SHANK2: variants seen among roughly 807,000 people sequenced by gnomAD.
SHANK2 encodes the protein SH3 and multiple ankyrin repeat domains protein 2.
SHANK2 carries 43 observed loss-of-function variants against 133.7 expected under a neutral mutation model. That is an observed-to-expected ratio of 0.32 (90% confidence interval 0.25 to 0.41). SHANK2 has a LOEUF of 0.41. Ranked by LOEUF, SHANK2 falls within the 10% of genes least tolerant of loss-of-function variation. The pLI, the probability that SHANK2 is intolerant of heterozygous loss-of-function variation, is 1.00. For missense variants in SHANK2, 1,994 were observed against 2,235.8 expected, an observed-to-expected ratio of 0.89 and a Z score of 2.18; for synonymous variants, 1,017 against 952.8, an observed-to-expected ratio of 1.07 and a Z score of -1.24.
rs1361117938 is a variant in SHANK2 at position 71,175,073 on chromosome 11, A to C, written c.-12-27735T>G. ...CCCGGTTACCTTTCTGCAGCTACAA[A>C]ACACACACACGGTCGCATATGTGCA... On this transcript the variant is annotated intron_variant, in intron 2 of 25. Transcript: ENST00000601538. The surrounding 1 kb of genome is among the most constrained non-coding windows in gnomAD (Gnocchi z 4.2). Among the ~76,000 whole-genome samples, 3 of 73,122 alleles carry C rather than the reference A, an allele frequency of 4.1e-5. No homozygotes were observed. Among genetic ancestry groups the C allele is most frequent in the Non-Finnish European group, 1.1e-4 (3 of 28,274 alleles). The allele number at this position is 73,122 out of a possible 152,430, so 48.0% of individuals were successfully genotyped here.
At chr11:71,109,513 CAGCAGGGGAATA>C (rs1343419569) in intron 6 of SHANK2, among the ~76,000 whole-genome samples, 18 of 152,226 alleles carry the variant, frequency 1.2e-4, no homozygotes, top group Non-Finnish European at 1.8e-4. Context: ...ATGTGGTTTC[CAGCAGGGGAATA>C]AGATGCATGG....
intron 2 of SHANK2, among the ~76,000 whole-genome samples, chr11:71,180,287 T>C (rs1555113599): frequency 6.6e-6 from 1 of 152,196 alleles, no homozygotes; most frequent in Non-Finnish European, 1.5e-5. Flanking sequence ...AATATGTGCT[T>C]TTCTTTGAAT....
At chr11:70,950,817 TTTTTG>T (rs1412800874) in intron 10 of SHANK2, among the ~76,000 whole-genome samples, 3 of 151,942 alleles carry the variant, frequency 2.0e-5, no homozygotes, top group Non-Finnish European at 4.4e-5. Flanking sequence ...ATGTATGTGT[TTTTTG>T]TTTTGTTATG....
chr11:71,148,619 T>A (rs193022965), intron 2 of SHANK2, among the ~76,000 whole-genome samples: 1 of 152,158 alleles, frequency 6.6e-6, no homozygotes, highest in Non-Finnish European at 1.5e-5. Context: ...TGGAAAGGCA[T>A]AGAAGATTGT....
At chr11:70,883,029 T>C (rs974888671) in intron 11 of SHANK2, among the ~76,000 whole-genome samples, 3 of 152,044 alleles carry the variant, frequency 2.0e-5, no homozygotes, top group South Asian at 2.1e-4. Context: ...TGGGCAGCCT[T>C]AGCAGGAGTG....
chr11:70,928,857 AG>A (rs1327151079), intron 10 of SHANK2, among the ~76,000 whole-genome samples: 1 of 152,198 alleles, frequency 6.6e-6, no homozygotes, highest in East Asian at 1.9e-4. Flanking sequence ...GGAGAGAGGC[AG>A]GAAGATGCAC....
chr11:71,116,426 T>C (rs1429482120), intron 4 of SHANK2, among the ~76,000 whole-genome samples: 1 of 152,058 alleles, frequency 6.6e-6, no homozygotes, highest in Non-Finnish European at 1.5e-5. Context: ...CAAGCCTGGG[T>C]GAGAGAGGTA....
At chr11:70,738,982 G>A (rs1001177487) in intron 14 of SHANK2, among the ~76,000 whole-genome samples, 5 of 152,216 alleles carry the variant, frequency 3.3e-5, no homozygotes, top group Non-Finnish European at 5.9e-5. Flanking sequence ...TCTGTGGCCC[G>A]ACGGAAGGAC....
At chr11:70,550,921 AG>A in intron 17 of SHANK2, among the ~76,000 whole-genome samples, 1 of 152,304 alleles carries the variant, frequency 6.6e-6, no homozygotes, top group African/African-American at 2.4e-5. Flanking sequence ...GAACTTGTCT[AG>A]CCTCATGAGC....
chr11:70,902,144 C>G (rs1175808646), intron 10 of SHANK2, among the ~76,000 whole-genome samples: 1 of 152,218 alleles, frequency 6.6e-6, no homozygotes, highest in Non-Finnish European at 1.5e-5. Context: ...CACTGGACAG[C>G]AGAGCAGCAG....
At chr11:70,671,204 C>A (rs372235028) in intron 15 of SHANK2, among the ~76,000 whole-genome samples, 1 of 152,190 alleles carries the variant, frequency 6.6e-6, no homozygotes, top group South Asian at 2.1e-4. Context: ...GAGACAGATA[C>A]GGCTTAACTG....
intron 6 of SHANK2, among the ~76,000 whole-genome samples, chr11:71,107,248 G>T (rs1180617047): frequency 6.6e-6 from 1 of 152,202 alleles, no homozygotes. Context: ...AAGGAAGCAC[G>T]CAGGCATTCT....
At chr11:70,747,767 G>A (rs1156234362) in intron 14 of SHANK2, among the ~76,000 whole-genome samples, 2 of 152,200 alleles carry the variant, frequency 1.3e-5, no homozygotes, top group Non-Finnish European at 2.9e-5. Context: ...GTGTGTGCAT[G>A]TATGCCACAT....
chr11:70,816,438 C>T (rs1310255562), intron 12 of SHANK2, among the ~76,000 whole-genome samples: 4 of 152,210 alleles, frequency 2.6e-5, no homozygotes, highest in East Asian at 3.9e-4. Flanking sequence ...TTCCCCTCCA[C>T]GGCAGGGAGA....
chr11:70,491,347 C>G (rs1428027461), intron 22 of SHANK2, among the ~76,000 whole-genome samples: 1 of 152,106 alleles, frequency 6.6e-6, no homozygotes, highest in Admixed American at 6.5e-5. Flanking sequence ...TCTCAGACAC[C>G]CCCCCAACTT....
At chr11:70,566,513 C>T (rs975071135) in intron 17 of SHANK2, 3 of 152,296 alleles carry the variant, frequency 2.0e-5, no homozygotes, top group Admixed American at 6.5e-5. Context: ...CAGGCTCATT[C>T]GCAGAAGCAT....
At chr11:70,783,448 T>C (rs1342412799) in intron 14 of SHANK2, among the ~76,000 whole-genome samples, 2 of 151,986 alleles carry the variant, frequency 1.3e-5, no homozygotes, top group African/African-American at 4.8e-5. Flanking sequence ...TGAAAACAAG[T>C]GACCCAGATC....
intron 10 of SHANK2, among the ~76,000 whole-genome samples, chr11:70,930,664 T>C (rs1315340438): frequency 8.1e-6 from 1 of 123,842 alleles, no homozygotes; most frequent in Non-Finnish European, 1.7e-5. Context: ...TTTGTCTTTT[T>C]TTTTTCTTTT....
intron 25 of SHANK2, among the ~76,000 whole-genome samples, chr11:70,480,910 G>GCCCCAGGCTCCTGTGCTGGGAC (rs2058724624): frequency 6.6e-6 from 1 of 152,218 alleles, no homozygotes; most frequent in Admixed American, 6.5e-5. Flanking sequence ...AGCTTTTGCA[G>GCCCCAGGCTCCTGTGCTGGGAC]CCCCAGGCTC....
Sources: gnomAD v4.1 joint callset for allele counts (sites outside exome capture counted in the v4.1 genomes callset) on GRCh38, gnomAD v4.1.1 for gene constraint, Gnocchi (gnomAD v3.1) non-coding constraint, MANE v1.5 for transcripts, NCBI Gene and HGNC (gene_info 2026-07-23, HGNC 2026-07-21) for gene names.